The following TSPAN9 variants were observed in gnomAD, a reference collection of about 807,000 sequenced individuals.
The protein encoded by TSPAN9 is tetraspanin-9.
A neutral mutation model predicts 31.0 loss-of-function variants in TSPAN9; 16 were observed. The ratio of observed to expected loss-of-function variants is 0.52; its 90% CI spans 0.35 to 0.78. TSPAN9 has a LOEUF of 0.78. TSPAN9 is among the 30% of genes least tolerant of loss of function. The probability of loss-of-function intolerance (pLI) is 0.01; values close to 1 mark genes in which losing one functional copy is unlikely to be tolerated. For synonymous variants in TSPAN9, 145 were observed against 121.6 expected (o/e 1.19, Z -1.27); for missense variants, 272 against 312.5 (o/e 0.87, Z 0.98).
Position 3,143,264 on chromosome 12 carries a change from TAATC to T in TSPAN9, c.-17-57911_-17-57908del, listed in dbSNP as rs1322560288. Reference sequence around the variant, plus strand: ...TAATTAATAATATTTATAGTTATATTAATCATAATTAATAATATTTATAATTATA... The same window carrying T: ...TAATTAATAATATTTATAGTTATATTATAATTAATAATATTTATAATTATA... On this transcript the variant is annotated intron_variant, in intron 2 of 8. Coordinates refer to ENST00000011898, the MANE Select transcript of TSPAN9 (RefSeq NM_006675.5). The surrounding 1 kb of genome is among the most constrained non-coding windows in gnomAD (Gnocchi z 4.2). 3.8e-3 allele frequency among the ~76,000 whole-genome samples: 566 copies of T among 148,422 alleles called. 2 individuals carry two copies. The highest frequency in any genetic ancestry group is 0.013 in the African/African-American group (548 of 40,934).
chr12:3,225,300 C>T (rs183248206), intron 3 of TSPAN9, among the ~76,000 whole-genome samples: 1,887 of 152,278 alleles, frequency 0.012, 20 homozygotes, highest in Middle Eastern at 0.044. Flanking sequence ...TTAGCACCCG[C>T]CACTCCCCAG....
chr12:3,115,960 A>AT (rs1377037775), intron 2 of TSPAN9, among the ~76,000 whole-genome samples: 2 of 152,012 alleles, frequency 1.3e-5, no homozygotes, highest in South Asian at 4.2e-4. Context: ...CTTTATTTTT[A>AT]TTTTTTTAAC....
At chr12:3,173,965 C>T (rs2098353570) in intron 2 of TSPAN9, 2 of 152,394 alleles carry the variant, frequency 1.3e-5, no homozygotes, top group East Asian at 1.9e-4. Context: ...ATGACTACAG[C>T]GTGGTGTTAA....
At chr12:3,096,542 A>G (rs1347475745) in intron 2 of TSPAN9, among the ~76,000 whole-genome samples, 1 of 152,046 alleles carries the variant, frequency 6.6e-6, no homozygotes, top group Non-Finnish European at 1.5e-5. Flanking sequence ...TGAATGAATG[A>G]ATGAATGAAT....
intron 2 of TSPAN9, among the ~76,000 whole-genome samples, chr12:3,117,104 T>G (rs1424369977): frequency 6.6e-6 from 1 of 152,156 alleles, no homozygotes; most frequent in Admixed American, 6.5e-5. Context: ...CATTCTAAAT[T>G]ATGGAAAACA....
intron 3 of TSPAN9, among the ~76,000 whole-genome samples, chr12:3,210,452 C>A (rs568109874): frequency 1.4e-4 from 22 of 152,288 alleles, no homozygotes; most frequent in Non-Finnish European, 2.1e-4. Flanking sequence ...CTTAGCCATT[C>A]TTTCATCTTC....
intron 3 of TSPAN9, among the ~76,000 whole-genome samples, chr12:3,276,138 C>T (rs970861420): frequency 2.6e-5 from 4 of 151,940 alleles, no homozygotes; most frequent in African/African-American, 7.3e-5. Flanking sequence ...AGGGGACAGA[C>T]GCCTCCCTGA....
chr12:3,120,998 T>C (rs1445348010), intron 2 of TSPAN9, among the ~76,000 whole-genome samples: 1 of 152,234 alleles, frequency 6.6e-6, no homozygotes, highest in African/African-American at 2.4e-5. Flanking sequence ...AGCCTGCCAC[T>C]GGCCACTGGC....
intron 2 of TSPAN9, among the ~76,000 whole-genome samples, chr12:3,108,305 A>G (rs2098315693): frequency 6.6e-6 from 1 of 152,110 alleles, no homozygotes; most frequent in Non-Finnish European, 1.5e-5. Flanking sequence ...CTGCATTCAC[A>G]CTTCCTTGAT....
intron 3 of TSPAN9, among the ~76,000 whole-genome samples, chr12:3,262,243 T>C (rs1210149471): frequency 6.6e-6 from 1 of 152,244 alleles, no homozygotes; most frequent in African/African-American, 2.4e-5. Flanking sequence ...TGCAGTGTTA[T>C]TTCTTTTGGC....
intron 2 of TSPAN9, among the ~76,000 whole-genome samples, chr12:3,108,259 T>A (rs2098315673): frequency 6.6e-6 from 1 of 152,184 alleles, no homozygotes; most frequent in African/African-American, 2.4e-5. Flanking sequence ...TCTGTGAATA[T>A]TTGTTGGTCT....
chr12:3,213,454 A>C (rs1565616280), intron 3 of TSPAN9, among the ~76,000 whole-genome samples: 1 of 152,178 alleles, frequency 6.6e-6, no homozygotes, highest in Admixed American at 6.5e-5. Context: ...TGAGCCATTT[A>C]GGACACTCAT....
intron 2 of TSPAN9, among the ~76,000 whole-genome samples, chr12:3,094,026 CTAAT>C (rs148815744): frequency 0.2 from 30,972 of 152,006 alleles, 3,952 homozygotes; most frequent in South Asian, 0.41. Context: ...CCATGATTGA[CTAAT>C]TATTATTTAT....
At position 3,280,044 on chromosome 12, in the gene TSPAN9, G is replaced by T. The variant is rs1425375070; in HGVS notation, c.331-338G>T. Among the ~76,000 whole-genome samples the T allele has an allele frequency of 6.6e-6, 1 of 152,048 alleles. No individual in the cohort carries two copies. The highest frequency in any genetic ancestry group is 6.6e-5 in the Admixed American group (1 of 15,266). ...GGGGGCGGGGGTGGCAGAGTGGCCT[G>T]TGTGTGTGGCTGGTCCTGGGATGGG... On this transcript the variant is annotated intron_variant, in intron 5 of 8. Coordinates refer to ENST00000011898, the MANE Select transcript of TSPAN9 (RefSeq NM_006675.5). This position sits in a 1 kb window ranked among gnomAD's most constrained non-coding sequence, Gnocchi z 4.5.
chr12:3,184,666 G>A lies in TSPAN9; in HGVS notation c.-17-16511G>A, dbSNP rs546186292. Among the ~76,000 whole-genome samples the A allele has an allele frequency of 5.3e-5, 8 of 152,226 alleles. 1 individual carries two copies. The highest frequency in any genetic ancestry group is 4.2e-4 in the South Asian group (2 of 4,818). On this transcript the variant is annotated intron_variant, in intron 2 of 8. Transcript: ENST00000011898. ...GCTTCAGCTGAGCGATTAGAGCCAC[G>A]GGATGCTGCCGGGAGCCCCGGGCAT...
intron 1 of TSPAN9, among the ~76,000 whole-genome samples, chr12:3,082,368 T>C (rs1591618446): frequency 6.6e-6 from 1 of 151,974 alleles, no homozygotes; most frequent in African/African-American, 2.4e-5. Flanking sequence ...GGAGGAGAGG[T>C]TGGGCAGGTA....
chr12:3,278,388 G>A, intron 3 of TSPAN9, 33 bp from the exon 4 acceptor site: 2 of 1,610,672 alleles, frequency 1.2e-6, no homozygotes, highest in East Asian at 2.2e-5. Flanking sequence ...TGTGAGAGCA[G>A]CGCCAGGCTA....
intron 2 of TSPAN9, among the ~76,000 whole-genome samples, chr12:3,101,728 C>T (rs2098311928): frequency 6.6e-6 from 1 of 152,200 alleles, no homozygotes; most frequent in Admixed American, 6.5e-5. Context: ...GGGTCAGCCC[C>T]TTCTGTCAGC....
chr12:3,140,694 A>G (rs909235209), intron 2 of TSPAN9, among the ~76,000 whole-genome samples: 1 of 152,052 alleles, frequency 6.6e-6, no homozygotes, highest in Non-Finnish European at 1.5e-5. Context: ...TGGGAAGTCA[A>G]AGGGTAGTTT....
Sources: gnomAD v4.1 joint callset for allele counts (sites outside exome capture counted in the v4.1 genomes callset) on GRCh38, gnomAD v4.1.1 for gene constraint, Gnocchi (gnomAD v3.1) non-coding constraint, MANE v1.5 for transcripts, NCBI Gene and HGNC (gene_info 2026-07-23, HGNC 2026-07-21) for gene names.